Variants in CD53 observed in about 807,000 individuals in gnomAD.
CD53 encodes CD53 molecule.
A neutral mutation model predicts 27.3 loss-of-function variants in CD53; 20 were observed. The ratio of observed to expected loss-of-function variants is 0.73; its 90% CI spans 0.52 to 1.07. The LOEUF (loss-of-function observed/expected upper bound fraction) is 1.07. CD53 is among the 50% of genes least tolerant of loss of function. The probability of loss-of-function intolerance (pLI) is 0.00; values close to 1 mark genes in which losing one functional copy is unlikely to be tolerated. For synonymous variants in CD53, 106 were observed against 105.3 expected (o/e 1.01, Z -0.04); for missense variants, 216 against 264.0 (o/e 0.82, Z 1.26).
chr1:110,888,908 A>G (rs113307684), intron 1 of CD53, among the ~76,000 whole-genome samples: 2,427 of 152,332 alleles, frequency 0.016, 32 homozygotes, highest in Non-Finnish European at 0.025. Context: ...TGAATGTTTC[A>G]GCTTTTATGT....
At chr1:110,879,704 G>C (rs1245831918) in intron 1 of CD53, among the ~76,000 whole-genome samples, 5 of 152,074 alleles carry the variant, frequency 3.3e-5, no homozygotes, top group Non-Finnish European at 7.4e-5. Flanking sequence ...TGAAGATGAA[G>C]AACTGATAGA....
At chr1:110,886,076 A>G (rs4839579) in intron 1 of CD53, among the ~76,000 whole-genome samples, 31,102 of 151,958 alleles carry the variant, frequency 0.2, 3,414 homozygotes, top group Non-Finnish European at 0.24. Context: ...CACCTTTTGT[A>G]TATCTTAAAG....
At chr1:110,897,598 A>T (rs1657121130) in intron 6 of CD53, 10 of 452,208 alleles carry the variant, frequency 2.2e-5, no homozygotes, top group Non-Finnish European at 4.0e-5. Context: ...ATTAGTTACC[A>T]CTGTAATGAT....
chr1:110,876,290 A>G (rs954127487), intron 1 of CD53, among the ~76,000 whole-genome samples: 14 of 152,196 alleles, frequency 9.2e-5, no homozygotes, highest in South Asian at 2.1e-4. Flanking sequence ...TTTCTTCTAC[A>G]TTATACTATA....
At chr1:110,886,367 T>C (rs1215705831) in intron 1 of CD53, among the ~76,000 whole-genome samples, 2 of 152,186 alleles carry the variant, frequency 1.3e-5, no homozygotes, top group Non-Finnish European at 2.9e-5. Context: ...TTGGAGTTCA[T>C]TGAGCTATTG....
intron 5 of CD53, 81 bp from the exon 6 acceptor site, chr1:110,896,572 C>A: frequency 1.5e-6 from 2 of 1,304,154 alleles, no homozygotes; most frequent in Non-Finnish European, 2.2e-6. Flanking sequence ...ATCTGAAGGG[C>A]ACACCTTTTC....
intron 1 of CD53, among the ~76,000 whole-genome samples, chr1:110,877,976 T>G (rs576377856): frequency 6.6e-6 from 1 of 152,304 alleles, no homozygotes; most frequent in South Asian, 2.1e-4. Flanking sequence ...CCAAATGAGT[T>G]GGGAAGTAAT....
chr1:110,895,676 A>G (rs1294197815), intron 5 of CD53, among the ~76,000 whole-genome samples: 1 of 152,218 alleles, frequency 6.6e-6, no homozygotes. Flanking sequence ...TGGGGAAGTC[A>G]CTTAACTTAT....
At chr1:110,897,411 C>T (rs898631534) in intron 6 of CD53, among the ~76,000 whole-genome samples, 1 of 152,216 alleles carries the variant, frequency 6.6e-6, no homozygotes, top group Admixed American at 6.5e-5. Context: ...CTTGGTAGGG[C>T]TATGATGGAT....
At chr1:110,896,564 C>G in intron 5 of CD53, 89 bp from the exon 6 acceptor site, 1 of 1,230,320 alleles carries the variant, frequency 8.1e-7, no homozygotes, top group Non-Finnish European at 1.2e-6. Flanking sequence ...AGAGTCAGAT[C>G]TGAAGGGCAC....
intron 1 of CD53, among the ~76,000 whole-genome samples, chr1:110,886,869 A>ATTTTTTTT (rs71575170): frequency 4.8e-5 from 4 of 82,798 alleles, no homozygotes; most frequent in South Asian, 4.2e-4. Flanking sequence ...ATATATATAT[A>ATTTTTTTT]TTTTTTTTTT....
At chr1:110,892,194 G>A (rs1008590298) in intron 2 of CD53, 151 bp from the exon 3 acceptor site, 2 of 683,560 alleles carry the variant, frequency 2.9e-6, no homozygotes, top group African/African-American at 3.5e-5. Flanking sequence ...TCCAATGTAA[G>A]CATGGAAAAG....
rs140443788 is a variant in CD53 at position 110,877,088 on chromosome 1, T to G, written c.-18+3840T>G. Among the ~76,000 whole-genome samples, 381 of 152,338 alleles carry G rather than the reference T, an allele frequency of 2.5e-3. 1 individual carries two copies. The highest frequency in any genetic ancestry group is 8.8e-3 in the African/African-American group (366 of 41,554). On this transcript the variant is annotated intron_variant, in intron 1 of 7. Transcript: ENST00000271324. ...ATTCCACCAATTACCTCTTTAATAT[T>G]CTTTATAGCAAAAGGAAATTTCTAG...
At chr1:110,892,763 T>C (rs2101061275) in intron 3 of CD53, 1 of 465,976 alleles carries the variant, frequency 2.1e-6, no homozygotes, top group South Asian at 3.9e-5. Flanking sequence ...ATTTTTATAT[T>C]GCTAATAATG....
At position 110,882,402 on chromosome 1, in the gene CD53, T is replaced by A. The variant is rs956362886; in HGVS notation, c.-17-8990T>A. Among the ~76,000 whole-genome samples the A allele has an allele frequency of 4.6e-5, 7 of 152,220 alleles. No individual in the cohort carries two copies. The East Asian group carries it at 1.3e-3, about 29-fold the overall frequency. On this transcript the variant is annotated intron_variant, in intron 1 of 7. Transcript: ENST00000271324. ...TTTTTTTGAAAATCAGTTGTCCATATGCATATGGACTCTATTCTGTTCTCT... is the reference window on the plus strand; with the variant it reads ...TTTTTTTGAAAATCAGTTGTCCATAAGCATATGGACTCTATTCTGTTCTCT...
rs375322671 is a variant in CD53, at chr1:110,894,307, A to G, written c.253-20A>G. 49 of 1,611,250 alleles carry G rather than the reference A, an allele frequency of 3.0e-5. No individual in the cohort carries two copies. The highest frequency in any genetic ancestry group is 4.0e-5 in the Non-Finnish European group (47 of 1,177,554). Reference sequence around the variant, plus strand: ...GAGAATGGGGATCAGTGCTGTGAGAATGTATCTGCTTTGTCCCAGTTCTTC... The same window carrying G: ...GAGAATGGGGATCAGTGCTGTGAGAGTGTATCTGCTTTGTCCCAGTTCTTC... On this transcript the variant is annotated intron_variant, in intron 3 of 7. Coordinates refer to ENST00000271324, the MANE Select transcript of CD53 (RefSeq NM_000560.4).
chr1:110,897,790 T>C lies in CD53; in HGVS notation c.505-19T>C. 2.0e-6 allele frequency: 3 copies of C among 1,492,166 alleles called. No individual in the cohort carries two copies. Among genetic ancestry groups the C allele is most frequent in the Non-Finnish European group, 2.8e-6 (3 of 1,070,462 alleles). 92.4% of individuals were successfully genotyped at this position (1,492,166 alleles called of 1,614,324 possible). A position where few individuals can be genotyped will look rare whatever the true frequency, so the allele number is the denominator to read the frequency against. On this transcript the variant is annotated intron_variant, in intron 6 of 7. Transcript: ENST00000271324. ...TGGAATTATAGAGTAGTATCATTTG[T>C]AACTGAAATGTCTTCTAGGGTTGCT...
At position 110,894,989 on chromosome 1, in the gene CD53, C is replaced by T. The variant is rs201211085; in HGVS notation, c.357C>T (p.Thr119=). Residue 119 remains threonine (T), a synonymous_variant, in exon 5 of 8, where the codon ACC becomes ACT. Transcript: ENST00000271324. ...ATGAGTATGTGGCTAAGGGTCTGAC[C>T]GACAGCATCCACCGTTACCACTCAG... is the stretch of plus-strand genomic sequence containing the variant. ...KLNEYVAKGL[T]DSIHRYHSDN... 38 of 1,613,794 alleles carry T rather than the reference C, an allele frequency of 2.4e-5. No individual in the cohort carries two copies. The highest frequency in any genetic ancestry group is 1.6e-4 in the Middle Eastern group (1 of 6,084).
intron 1 of CD53, among the ~76,000 whole-genome samples, chr1:110,886,863 A>AT (rs1187597163): frequency 1.4e-5 from 1 of 72,256 alleles, no homozygotes; most frequent in African/African-American, 4.8e-5. Flanking sequence ...ATATATATAT[A>AT]TATATATTTT....
Sources: allele counts gnomAD v4.1 joint callset (sites outside exome capture counted in the v4.1 genomes callset), GRCh38; gene constraint gnomAD v4.1.1; transcripts MANE v1.5; gene names NCBI Gene and HGNC (gene_info 2026-07-23, HGNC 2026-07-21).